The following LUC7L2 variants were observed in gnomAD, a reference collection of about 807,000 sequenced individuals.
The protein encoded by LUC7L2 is putative RNA-binding protein Luc7-like 2.
A neutral mutation model predicts 52.8 loss-of-function variants in LUC7L2; 25 were observed. The observed-to-expected ratio is 0.47, with a 90% CI of 0.34 to 0.66. The LOEUF is 0.66. Ranked by LOEUF, LUC7L2 falls within the 30% of genes least tolerant of loss-of-function variation. LUC7L2 has a pLI of 0.01. For synonymous variants in LUC7L2, 144 were observed against 160.9 expected (o/e 0.89, Z 0.80); for missense variants, 328 against 497.8 (o/e 0.66, Z 3.25).
intron 1 of LUC7L2, among the ~76,000 whole-genome samples, chr7:139,347,356 T>A (rs57532141): frequency 0.39 from 58,545 of 151,842 alleles, 15,696 homozygotes; most frequent in African/African-American, 0.77. Flanking sequence ...GGGAAGCTGA[T>A]GTGGGCGGAT....
At chr7:139,413,383 G>A (rs1486077951) in intron 8 of LUC7L2, among the ~76,000 whole-genome samples, 1 of 151,910 alleles carries the variant, frequency 6.6e-6, no homozygotes, top group Non-Finnish European at 1.5e-5. Context: ...CATTCCTCTT[G>A]TTCAGATCAC....
chr7:139,398,545 C>T, intron 2 of LUC7L2, 54 bp from the exon 3 acceptor site: 2 of 1,445,778 alleles, frequency 1.4e-6, no homozygotes, highest in Non-Finnish European at 1.9e-6. Context: ...GTTGTTGAAG[C>T]ATTTTTTAAA....
intron 3 of LUC7L2, among the ~76,000 whole-genome samples, chr7:139,399,037 GT>G (rs993648251): frequency 6.6e-6 from 1 of 151,450 alleles, no homozygotes; most frequent in African/African-American, 2.4e-5. Context: ...AATATACTGA[GT>G]TTTTACATTC....
chr7:139,398,838 T>A, intron 3 of LUC7L2, 141 bp downstream of exon 3: 1 of 632,038 alleles, frequency 1.6e-6, no homozygotes, highest in Non-Finnish European at 2.5e-6. Context: ...TAAGATCATG[T>A]ACTTTCTTGA....
chr7:139,360,355 A>G (rs1569366508), intron 1 of LUC7L2, 33 bp downstream of exon 1: 9 of 1,268,866 alleles, frequency 7.1e-6, no homozygotes, highest in Admixed American at 6.0e-5. Flanking sequence ...GGGGTGGGGG[A>G]GGGGACGGGG....
chr7:139,367,394 A>G (rs1045373373), intron 1 of LUC7L2, among the ~76,000 whole-genome samples: 7 of 152,246 alleles, frequency 4.6e-5, no homozygotes, highest in Admixed American at 2.6e-4. Context: ...AATAAATACA[A>G]TGAAAACAAA....
upstream of LUC7L2, chr7:139,359,879 G>A: frequency 2.4e-6 from 1 of 413,194 alleles, no homozygotes; most frequent in Non-Finnish European, 4.3e-6. Context: ...ACGACTGAGC[G>A]CGAGGAGCGT....
At chr7:139,391,708 C>A (rs1318609151) in intron 2 of LUC7L2, among the ~76,000 whole-genome samples, 1 of 152,090 alleles carries the variant, frequency 6.6e-6, no homozygotes, top group African/African-American at 2.4e-5. Flanking sequence ...TCTGCCTCAG[C>A]CTCCTGAGTA....
intron 1 of LUC7L2, among the ~76,000 whole-genome samples, chr7:139,345,339 A>G (rs777188265): frequency 1.3e-5 from 2 of 152,194 alleles, no homozygotes; most frequent in Non-Finnish European, 2.9e-5. Context: ...ATAACTATAG[A>G]GTGCCTCTAT....
upstream of LUC7L2, chr7:139,359,062 A>C (rs6961812): frequency 0.39 from 58,789 of 152,114 alleles, 15,817 homozygotes; most frequent in African/African-American, 0.77. Flanking sequence ...AGTTTGTTCT[A>C]ACAGCCACGC....
At chr7:139,356,001 A>G (rs1329979218), upstream of LUC7L2, among the ~76,000 whole-genome samples, 2 of 152,206 alleles carry the variant, frequency 1.3e-5, no homozygotes, top group African/African-American at 2.4e-5. Context: ...GTTAGGTAGA[A>G]TGTATGTGCC....
chr7:139,351,595 A>G (rs1799460595), intron 1 of LUC7L2, among the ~76,000 whole-genome samples: 1 of 152,200 alleles, frequency 6.6e-6, no homozygotes, highest in Non-Finnish European at 1.5e-5. Context: ...CCTTCAAAGA[A>G]AGACTTTAAC....
At chr7:139,375,399 T>C in intron 1 of LUC7L2, 11 of 985,402 alleles carry the variant, frequency 1.1e-5, no homozygotes, top group Non-Finnish European at 1.3e-5. Flanking sequence ...CGCATTAAAG[T>C]TAACGTTTCA....
intron 2 of LUC7L2, among the ~76,000 whole-genome samples, chr7:139,377,856 A>G (rs1271445849): frequency 7.6e-6 from 1 of 132,174 alleles, no homozygotes; most frequent in Non-Finnish European, 1.6e-5. Context: ...TTGAGACAAG[A>G]GTCTTGCTCT....
At chr7:139,363,305 A>G in intron 1 of LUC7L2, 1 of 923,930 alleles carries the variant, frequency 1.1e-6, no homozygotes, top group Non-Finnish European at 1.3e-6. Flanking sequence ...GTATATGTGA[A>G]TCAGTGTAAC....
upstream of LUC7L2, among the ~76,000 whole-genome samples, chr7:139,354,918 A>C (rs1799565095): frequency 6.6e-6 from 1 of 151,908 alleles, no homozygotes; most frequent in African/African-American, 2.4e-5. Context: ...GTGCAGTAGT[A>C]AGGTCATGGC....
chr7:139,343,926 C>CAAA (rs1163028006), intron 1 of LUC7L2, among the ~76,000 whole-genome samples: 15 of 104,870 alleles, frequency 1.4e-4, no homozygotes, highest in African/African-American at 2.0e-4. Flanking sequence ...ACCCTGTCCC[C>CAAA]AAAAAAAAAA....
intron 6 of LUC7L2, among the ~76,000 whole-genome samples, chr7:139,408,237 T>C (rs1795204260): frequency 6.6e-6 from 1 of 152,176 alleles, no homozygotes; most frequent in Non-Finnish European, 1.5e-5. Flanking sequence ...TCTCAAGTAA[T>C]TTTTTAAAAA....
rs1187881589 is a variant in LUC7L2, at chr7:139,422,417, G to GTGAC, written c.*78_*81dup. 1 of 1,519,028 alleles carries GTGAC rather than the reference G, an allele frequency of 6.6e-7. No individual in the cohort carries two copies. The highest frequency in any genetic ancestry group is 8.8e-7 in the Non-Finnish European group (1 of 1,135,778). The allele number at this position is 1,519,028 out of a possible 1,614,324, so 94.1% of individuals were successfully genotyped here. A position where few individuals can be genotyped will look rare whatever the true frequency, so the allele number is the denominator to read the frequency against. On this transcript the variant is annotated 3_prime_UTR_variant, in exon 10 of 10. Transcript: ENST00000354926. ...ATTGTTTAGTTCACAGCTGTTCAGG[G>GTGAC]TGACAGTGAGCAGATCCAGACACCA...
Sources: allele counts gnomAD v4.1 joint callset (sites outside exome capture counted in the v4.1 genomes callset), GRCh38; gene constraint gnomAD v4.1.1; transcripts MANE v1.5; gene names NCBI Gene and HGNC (gene_info 2026-07-23, HGNC 2026-07-21).